MPP7: variants seen among roughly 807,000 people sequenced by gnomAD.
MPP7 encodes the protein MAGUK p55 scaffold protein 7.
In MPP7, 60 loss-of-function variants were observed where a neutral mutation model predicts 76.5. The observed-to-expected ratio is 0.78, with a 90% CI of 0.64 to 0.97. The LOEUF (loss-of-function observed/expected upper bound fraction) is 0.97. Among genes scored for constraint, MPP7 ranks in the 50% least tolerant of loss-of-function variants. The pLI is 0.00. For synonymous variants in MPP7, 237 were observed against 244.5 expected (o/e 0.97, Z 0.29); for missense variants, 641 against 694.0 (o/e 0.92, Z 0.86).
chr10:28,116,562 T>C (rs1834669367), intron 11 of MPP7, among the ~76,000 whole-genome samples: 2 of 152,102 alleles, frequency 1.3e-5, no homozygotes, highest in Admixed American at 6.5e-5. Flanking sequence ...GCATTACTAA[T>C]ATAAATCCAT....
At position 28,141,679 on chromosome 10, in the gene MPP7, A is replaced by G. The variant is rs1835524487; in HGVS notation, c.315+5804T>C. On this transcript the variant is annotated intron_variant, in intron 5 of 16. Transcript: ENST00000683449. The stretch of plus-strand genomic sequence containing the variant: ...GGCCTGGGAATAGACTTAGCAGGAA[A>G]TAGTCCAGGGTTATATAAGGAACAA... Among the ~76,000 whole-genome samples, 7 of 152,296 alleles carry G rather than the reference A, an allele frequency of 4.6e-5. No individual in the cohort carries two copies. The South Asian group carries it at 1.4e-3, about 32-fold the overall frequency.
intron 12 of MPP7, among the ~76,000 whole-genome samples, chr10:28,087,034 TG>T (rs2133434907): frequency 6.6e-6 from 1 of 152,290 alleles, no homozygotes; most frequent in South Asian, 2.1e-4. Context: ...ATCCCAGCAT[TG>T]GAAGTGGGGC....
chr10:28,227,687 A>G (rs1335896304), intron 2 of MPP7, among the ~76,000 whole-genome samples: 1 of 152,144 alleles, frequency 6.6e-6, no homozygotes, highest in African/African-American at 2.4e-5. Context: ...TCCATGGTGT[A>G]TATGGACCAC....
intron 3 of MPP7, among the ~76,000 whole-genome samples, chr10:28,166,400 A>ATTTTTTTTT (rs34887665): frequency 1.1e-5 from 1 of 93,436 alleles, no homozygotes; most frequent in Non-Finnish European, 2.0e-5. Flanking sequence ...TTACCTTTTA[A>ATTTTTTTTT]TTTTTTTTTT....
chr10:28,302,873 G>A lies in MPP7; in HGVS notation c.-144C>T, dbSNP rs891848912. On this transcript the variant is annotated 5_prime_UTR_variant, in exon 1 of 17. Transcript: ENST00000683449. Reference sequence around the variant, plus strand: ...GGCGCCCCATTACCTGCTCTGGGCTGCCGCGGTCCGCGGGCAGGAGGCGCA... The same window carrying A: ...GGCGCCCCATTACCTGCTCTGGGCTACCGCGGTCCGCGGGCAGGAGGCGCA... Among the ~76,000 whole-genome samples the A allele has an allele frequency of 6.6e-6, 1 of 152,100 alleles. No homozygotes were observed. Among genetic ancestry groups the A allele is most frequent in the Non-Finnish European group, 1.5e-5 (1 of 68,000 alleles).
At chr10:28,316,435 T>TAAAAAAAAAAAAAAAAAAAAAAAAAAA (rs549621404) in intron 2 of MPP7, among the ~76,000 whole-genome samples, 1 of 37,136 alleles carries the variant, frequency 2.7e-5, no homozygotes, top group African/African-American at 8.4e-5. Flanking sequence ...ACTCTGTCTT[T>TAAAAAAAAAAAAAAAAAAAAAAAAAAA]AAAAAAAAAA....
intron 5 of MPP7, among the ~76,000 whole-genome samples, chr10:28,137,569 A>G (rs1193624350): frequency 1.3e-5 from 2 of 152,254 alleles, no homozygotes; most frequent in East Asian, 3.8e-4. Flanking sequence ...CCATGTCTGC[A>G]TTCCAAAATA....
At chr10:28,136,013 G>A (rs192469095) in intron 5 of MPP7, among the ~76,000 whole-genome samples, 1 of 152,150 alleles carries the variant, frequency 6.6e-6, no homozygotes, top group Admixed American at 6.5e-5. Context: ...TCTGCCTCCT[G>A]TCAGATCAGC....
intron 12 of MPP7, among the ~76,000 whole-genome samples, chr10:28,081,896 G>A (rs1164957171): frequency 6.6e-6 from 1 of 151,976 alleles, no homozygotes; most frequent in African/African-American, 2.4e-5. Flanking sequence ...GGGACTACAG[G>A]TGACTGCCAA....
intron 2 of MPP7, among the ~76,000 whole-genome samples, chr10:28,314,926 T>C (rs2133177887): frequency 6.6e-6 from 1 of 152,170 alleles, no homozygotes; most frequent in Non-Finnish European, 1.5e-5. Context: ...GGCAGGAGAA[T>C]CTCTTGAGGC....
At chr10:28,310,083 C>A (rs1359754127) in intron 2 of MPP7, among the ~76,000 whole-genome samples, 4 of 150,584 alleles carry the variant, frequency 2.7e-5, no homozygotes, top group Non-Finnish European at 1.5e-5. Flanking sequence ...CTCACTGCAA[C>A]CTCTGCCTCC....
chr10:28,057,866 A>C, intron 15 of MPP7: 7 of 1,227,440 alleles, frequency 5.7e-6, no homozygotes, highest in Non-Finnish European at 7.3e-6. Context: ...GATGAGGAAA[A>C]TGCTGTGGGC....
In MPP7 at chr10:28,262,277, A is replaced by ATT. The variant is rs1195166638; in HGVS notation, c.-131-23544_-131-23543dup. ...TATATATGTATATATATATATATAT[A>ATT]TTTTTTTTTTTTTCTTCACCATGTT... On this transcript the variant is annotated intron_variant, in intron 1 of 16. Coordinates refer to ENST00000683449, the MANE Select transcript of MPP7 (RefSeq NM_001318170.2). Among the ~76,000 whole-genome samples the ATT allele has an allele frequency of 7.4e-5, 4 of 54,350 alleles. 1 individual carries two copies. Among genetic ancestry groups the ATT allele is most frequent in the African/African-American group, 1.7e-4 (2 of 12,032 alleles). The allele number at this position is 54,350 out of a possible 152,430, so 35.7% of individuals were successfully genotyped here.
At chr10:28,072,998 T>C (rs1055774180) in intron 12 of MPP7, among the ~76,000 whole-genome samples, 7 of 152,310 alleles carry the variant, frequency 4.6e-5, no homozygotes, top group Non-Finnish European at 1.0e-4. Flanking sequence ...AGAAAACCCA[T>C]GCAGCCCCTG....
At chr10:28,080,895 A>T (rs933121475) in intron 12 of MPP7, among the ~76,000 whole-genome samples, 2 of 152,246 alleles carry the variant, frequency 1.3e-5, no homozygotes, top group African/African-American at 4.8e-5. Context: ...TCAAAGTGCA[A>T]CAAAAGATAT....
intron 2 of MPP7, among the ~76,000 whole-genome samples, chr10:28,327,339 T>C (rs151183925): frequency 1.3e-5 from 2 of 151,932 alleles, no homozygotes; most frequent in African/African-American, 2.4e-5. Flanking sequence ...TTCAAATTCA[T>C]TGGACTGTCA....
At position 28,194,230 on chromosome 10, in the gene MPP7, G is replaced by T. The variant is rs1049376729; in HGVS notation, c.156+7923C>A. On this transcript the variant is annotated intron_variant, in intron 3 of 16. Coordinates refer to ENST00000683449, the MANE Select transcript of MPP7 (RefSeq NM_001318170.2). ...AGGGTTTCACCATGTTGGCCAGAATGGTCTCGAACTCCAGACCTGGTGATC... is the reference window on the plus strand; with the variant it reads ...AGGGTTTCACCATGTTGGCCAGAATTGTCTCGAACTCCAGACCTGGTGATC... 2.6e-5 allele frequency among the ~76,000 whole-genome samples: 4 copies of T among 151,910 alleles called. No homozygotes were observed. The East Asian group carries it at 7.7e-4, about 29-fold the overall frequency.
intron 5 of MPP7, among the ~76,000 whole-genome samples, chr10:28,133,561 C>T (rs1196976313): frequency 6.6e-6 from 1 of 152,134 alleles, no homozygotes; most frequent in East Asian, 1.9e-4. Context: ...GAAACAGAAG[C>T]TCTAAAATGG....
At chr10:28,136,660 T>C (rs1835363181) in intron 5 of MPP7, among the ~76,000 whole-genome samples, 1 of 152,056 alleles carries the variant, frequency 6.6e-6, no homozygotes, top group Non-Finnish European at 1.5e-5. Flanking sequence ...AGAAATAGAA[T>C]ATATAAAAAT....
Sources: gnomAD v4.1 joint callset for allele counts (sites outside exome capture counted in the v4.1 genomes callset) on GRCh38, gnomAD v4.1.1 for gene constraint, MANE v1.5 for transcripts, NCBI Gene and HGNC (gene_info 2026-07-23, HGNC 2026-07-21) for gene names.